Variants in NAA11 observed in about 807,000 individuals in gnomAD.
NAA11 encodes the protein N-alpha-acetyltransferase 11, NatA catalytic subunit, also known as N-alpha-acetyltransferase 11.
NAA11 carries 15 observed loss-of-function variants against 16.1 expected under a neutral mutation model. That is an observed-to-expected ratio of 0.93 (90% CI 0.62 to 1.44). The LOEUF is 1.44. Ranked by LOEUF, NAA11 falls within the 40% of genes most tolerant of loss-of-function variation. The probability of loss-of-function intolerance (pLI) is 0.00; values close to 1 mark genes in which losing one functional copy is unlikely to be tolerated. For missense variants in NAA11, 298 were observed against 291.3 expected (o/e 1.02, Z -0.17); for synonymous variants, 122 against 112.4 (o/e 1.09, Z -0.54).
chr4:79,200,891 G>A, the NAA11 span, among the ~76,000 whole-genome samples: 1 of 151,304 alleles, frequency 6.6e-6, no homozygotes, highest in East Asian at 1.9e-4. Context: ...ATTCAGAGAA[G>A]TCAAATAAAA....
At chr4:79,200,948 A>G in the NAA11 span, among the ~76,000 whole-genome samples, 39 of 151,732 alleles carry the variant, frequency 2.6e-4, no homozygotes, top group Middle Eastern at 3.4e-3. Flanking sequence ...TAAGCCATAT[A>G]TATTATACAT....
the NAA11 span, among the ~76,000 whole-genome samples, chr4:79,173,570 A>C: frequency 1.3e-5 from 2 of 152,134 alleles, no homozygotes; most frequent in African/African-American, 2.4e-5. Context: ...CAACAAATAA[A>C]GTCTCTAGGA....
intron 2 of NAA11, among the ~76,000 whole-genome samples, chr4:79,290,099 G>C (rs951798209): frequency 6.6e-6 from 1 of 152,138 alleles, no homozygotes; most frequent in African/African-American, 2.4e-5. Flanking sequence ...ATATAAAGAA[G>C]CAAAGGGCCA....
chr4:79,214,667 C>T, the NAA11 span, among the ~76,000 whole-genome samples: 23 of 152,120 alleles, frequency 1.5e-4, no homozygotes, highest in East Asian at 3.9e-4. Context: ...GGCATGGTGG[C>T]GGGCACCTGT....
the NAA11 span, among the ~76,000 whole-genome samples, chr4:79,212,969 C>G: frequency 6.6e-6 from 1 of 152,050 alleles, no homozygotes; most frequent in African/African-American, 2.4e-5. Flanking sequence ...ATTGTAAACT[C>G]CTTGGAACAG....
chr4:79,163,455 A>G, the NAA11 span, among the ~76,000 whole-genome samples: 1 of 152,206 alleles, frequency 6.6e-6, no homozygotes, highest in African/African-American at 2.4e-5. Flanking sequence ...GATAGAAGTA[A>G]GGAATGGTGA....
At chr4:79,252,775 G>C (rs1722024309) in intron 2 of NAA11, among the ~76,000 whole-genome samples, 1 of 152,158 alleles carries the variant, frequency 6.6e-6, no homozygotes, top group Non-Finnish European at 1.5e-5. Flanking sequence ...GGAAAGAGAT[G>C]ATGTTAAAGA....
chr4:79,243,694 G>T (rs1286080581), intron 2 of NAA11, among the ~76,000 whole-genome samples: 1 of 152,294 alleles, frequency 6.6e-6, no homozygotes. Context: ...CTCCTCAGAA[G>T]AAAGAATTCA....
At chr4:79,215,762 C>T in the NAA11 span, among the ~76,000 whole-genome samples, 1 of 151,964 alleles carries the variant, frequency 6.6e-6, no homozygotes, top group Non-Finnish European at 1.5e-5. Context: ...TACAGGTAGT[C>T]CAAGTAGTCA....
intron 1 of NAA11, among the ~76,000 whole-genome samples, chr4:79,296,431 A>T (rs1723223443): frequency 6.6e-6 from 1 of 152,168 alleles, no homozygotes; most frequent in South Asian, 2.1e-4. Context: ...CCTAGAACTT[A>T]TTAGGCACTT....
At chr4:79,243,024 C>T (rs1302934560) in intron 2 of NAA11, among the ~76,000 whole-genome samples, 1 of 152,164 alleles carries the variant, frequency 6.6e-6, no homozygotes, top group Non-Finnish European at 1.5e-5. Context: ...TGAACTAACC[C>T]TGGAGGTTAA....
chr4:79,228,283 A>G (rs1309223278), intron 2 of NAA11, among the ~76,000 whole-genome samples: 4 of 152,070 alleles, frequency 2.6e-5, no homozygotes, highest in African/African-American at 7.2e-5. Flanking sequence ...CTGTTATTAC[A>G]GCTACCATAC....
downstream of NAA11, among the ~76,000 whole-genome samples, chr4:79,313,280 C>T (rs1331110688): frequency 6.6e-6 from 1 of 152,100 alleles, no homozygotes; most frequent in East Asian, 1.9e-4. Flanking sequence ...TAACTCATTA[C>T]ACAATAACCC....
chr4:79,219,923 T>C, the NAA11 span, among the ~76,000 whole-genome samples: 1 of 152,190 alleles, frequency 6.6e-6, no homozygotes, highest in Admixed American at 6.5e-5. Context: ...TATCAAACCA[T>C]ATCCAACCAA....
intron 2 of NAA11, among the ~76,000 whole-genome samples, chr4:79,248,345 A>G (rs578062041): frequency 1.1e-4 from 16 of 151,920 alleles, no homozygotes; most frequent in African/African-American, 3.6e-4. Context: ...CAACCCCCAC[A>G]ATCGTTTGAT....
At chr4:79,217,342 C>T in the NAA11 span, among the ~76,000 whole-genome samples, 675 of 152,236 alleles carry the variant, frequency 4.4e-3, 3 homozygotes, top group Non-Finnish European at 6.3e-3. Context: ...GAAAGAGCTG[C>T]CAGAGACTGG....
At chr4:79,162,433 A>G in the NAA11 span, among the ~76,000 whole-genome samples, 2 of 152,214 alleles carry the variant, frequency 1.3e-5, no homozygotes, top group Admixed American at 1.3e-4. Flanking sequence ...GACATGGATG[A>G]AAAGGACACA....
At chr4:79,222,875 C>A (rs1721223895), downstream of NAA11, among the ~76,000 whole-genome samples, 1 of 151,914 alleles carries the variant, frequency 6.6e-6, no homozygotes, top group Non-Finnish European at 1.5e-5. Flanking sequence ...ATCTATGCAG[C>A]CAAAAGACAC....
chr4:79,159,345 C>G, the NAA11 span, among the ~76,000 whole-genome samples: 6 of 152,158 alleles, frequency 3.9e-5, no homozygotes, highest in African/African-American at 1.4e-4. Context: ...TGCTCACCAT[C>G]ACCAATGATC....
Sources: allele counts gnomAD v4.1 joint callset (sites outside exome capture counted in the v4.1 genomes callset), GRCh38; gene constraint gnomAD v4.1.1; transcripts MANE v1.5; gene names NCBI Gene and HGNC (gene_info 2026-07-23, HGNC 2026-07-21).